The following ARB2A variants were observed in gnomAD, a reference collection of about 807,000 sequenced individuals.
ARB2A encodes ARB2 cotranscriptional regulator A, also known as cotranscriptional regulator ARB2A.
At chr5:93,904,271 T>C in the ARB2A span, among the ~76,000 whole-genome samples, 2 of 151,986 alleles carry the variant, frequency 1.3e-5, no homozygotes, top group East Asian at 3.9e-4. Context: ...AGGCAACAAA[T>C]TCTAGCTTTC....
the ARB2A span, among the ~76,000 whole-genome samples, chr5:93,812,372 T>C: frequency 6.6e-6 from 1 of 152,100 alleles, no homozygotes; most frequent in Non-Finnish European, 1.5e-5. Context: ...ATTTTCACAA[T>C]TTACAGGGCA....
At chr5:93,866,553 T>C in the ARB2A span, among the ~76,000 whole-genome samples, 1 of 151,968 alleles carries the variant, frequency 6.6e-6, no homozygotes, top group Non-Finnish European at 1.5e-5. Flanking sequence ...ACTGTGTGGG[T>C]CCAGTTATGA....
At chr5:93,642,951 A>C in the ARB2A span, among the ~76,000 whole-genome samples, 1 of 152,302 alleles carries the variant, frequency 6.6e-6, no homozygotes, top group East Asian at 1.9e-4. Context: ...TTGACACAAC[A>C]CTAAAAAGCA....
the ARB2A span, among the ~76,000 whole-genome samples, chr5:94,070,176 TG>T: frequency 6.6e-6 from 1 of 152,290 alleles, no homozygotes. Flanking sequence ...TCATGTCATT[TG>T]TAGCAAGATG....
At chr5:93,639,356 C>T in the ARB2A span, among the ~76,000 whole-genome samples, 5 of 152,166 alleles carry the variant, frequency 3.3e-5, no homozygotes, top group Non-Finnish European at 5.9e-5. Context: ...TTACATTTAG[C>T]CTCCAAGTCT....
chr5:93,743,224 C>G, the ARB2A span: 1 of 152,188 alleles, frequency 6.6e-6, no homozygotes, highest in Non-Finnish European at 1.5e-5. Context: ...AGGCTGTGTA[C>G]TTAGTTATGT....
chr5:94,083,555 A>C, the ARB2A span, among the ~76,000 whole-genome samples: 1 of 152,156 alleles, frequency 6.6e-6, no homozygotes, highest in African/African-American at 2.4e-5. Context: ...AAGCAAACAA[A>C]AATAACCACT....
chr5:93,777,894 T>C, the ARB2A span, among the ~76,000 whole-genome samples: 1 of 152,156 alleles, frequency 6.6e-6, no homozygotes, highest in Non-Finnish European at 1.5e-5. Context: ...AACCCTACTG[T>C]TCTGGGACCA....
the ARB2A span, among the ~76,000 whole-genome samples, chr5:93,927,657 C>T: frequency 6.6e-6 from 1 of 152,150 alleles, no homozygotes; most frequent in Non-Finnish European, 1.5e-5. Flanking sequence ...GACTCTTGTT[C>T]TCTCAATTGG....
At chr5:93,671,108 CAA>C in the ARB2A span, among the ~76,000 whole-genome samples, 1 of 152,222 alleles carries the variant, frequency 6.6e-6, no homozygotes, top group East Asian at 1.9e-4. Context: ...TATAAACCCT[CAA>C]AACAAGATAT....
At chr5:93,699,384 G>A in the ARB2A span, among the ~76,000 whole-genome samples, 3 of 152,092 alleles carry the variant, frequency 2.0e-5, no homozygotes, top group Non-Finnish European at 4.4e-5. Flanking sequence ...CCTAGAATGT[G>A]GAAAGACTAT....
At chr5:93,758,590 A>T in the ARB2A span, among the ~76,000 whole-genome samples, 2 of 152,192 alleles carry the variant, frequency 1.3e-5, no homozygotes, top group Admixed American at 1.3e-4. Flanking sequence ...CTCCAAAAGG[A>T]ACCTTCAAAA....
At chr5:93,838,490 G>A in the ARB2A span, among the ~76,000 whole-genome samples, 1 of 151,810 alleles carries the variant, frequency 6.6e-6, no homozygotes, top group East Asian at 1.9e-4. Flanking sequence ...GCCCTGTTTT[G>A]GTTTCATGTG....
the ARB2A span, among the ~76,000 whole-genome samples, chr5:94,093,285 T>G: frequency 1.3e-5 from 2 of 152,088 alleles, no homozygotes; most frequent in African/African-American, 4.8e-5. Context: ...AATTAGTACA[T>G]TAATCTGCTT....
At chr5:93,880,008 GAGA>G in the ARB2A span, among the ~76,000 whole-genome samples, 1 of 151,800 alleles carries the variant, frequency 6.6e-6, no homozygotes, top group Non-Finnish European at 1.5e-5. Flanking sequence ...ACAACTGATA[GAGA>G]AGATGGTAAC....
the ARB2A span, among the ~76,000 whole-genome samples, chr5:93,950,950 A>AAT: frequency 0.1 from 15,645 of 150,736 alleles, 946 homozygotes; most frequent in Middle Eastern, 0.16. Context: ...TCTCAAAAAA[A>AAT]AAAAAAAATA....
chr5:94,110,577 G>A, the ARB2A span, among the ~76,000 whole-genome samples: 1 of 152,182 alleles, frequency 6.6e-6, no homozygotes, highest in South Asian at 2.1e-4. Flanking sequence ...TAACGAAGCA[G>A]ATCCAAAAAT....
chr5:93,971,406 A>G, the ARB2A span, among the ~76,000 whole-genome samples: 1,711 of 151,932 alleles, frequency 0.011, 25 homozygotes, highest in African/African-American at 0.039. Context: ...TGTCTCTACT[A>G]AAAATACAAA....
At chr5:93,788,616 G>A in the ARB2A span, among the ~76,000 whole-genome samples, 4 of 152,074 alleles carry the variant, frequency 2.6e-5, no homozygotes, top group African/African-American at 9.7e-5. Flanking sequence ...CATTTCTCTG[G>A]ATTTCATTTC....
Sources: gnomAD v4.1 joint callset for allele counts (sites outside exome capture counted in the v4.1 genomes callset) on GRCh38, gnomAD v4.1.1 for gene constraint, MANE v1.5 for transcripts, NCBI Gene and HGNC (gene_info 2026-07-23, HGNC 2026-07-21) for gene names.